CKAP5: variants seen among roughly 807,000 people sequenced by gnomAD.
CKAP5 encodes cytoskeleton associated protein 5.
Under a neutral mutation model 232.8 loss-of-function variants are expected in CKAP5, and 27 were observed. The ratio of observed to expected loss-of-function variants is 0.12; its 90% confidence interval spans 0.09 to 0.16. CKAP5 has a LOEUF of 0.16. Ranked by LOEUF, CKAP5 falls within the 10% of genes least tolerant of loss-of-function variation. The pLI, the probability that CKAP5 is intolerant of heterozygous loss-of-function variation, is 1.00. For synonymous variants in CKAP5, 785 were observed against 841.1 expected (o/e 0.93, Z 1.16); for missense variants, 1,838 against 2,424.7 (o/e 0.76, Z 5.08).
intron 2 of CKAP5, 55 bp downstream of exon 2, chr11:46,821,120 A>G: frequency 7.9e-7 from 1 of 1,270,672 alleles, no homozygotes; most frequent in Non-Finnish European, 1.2e-6. Context: ...TGATAGTATA[A>G]CTGCTCACAA....
intron 22 of CKAP5, 81 bp from the exon 23 acceptor site, chr11:46,777,633 T>A: frequency 7.0e-6 from 6 of 858,410 alleles, no homozygotes; most frequent in Non-Finnish European, 1.1e-5. Context: ...TGCTATACTG[T>A]CAATACAGCA....
intron 9 of CKAP5, among the ~76,000 whole-genome samples, chr11:46,800,790 A>T (rs909510587): frequency 3.3e-5 from 5 of 152,222 alleles, no homozygotes; most frequent in Non-Finnish European, 5.9e-5. Flanking sequence ...TTTATATATT[A>T]ACCTCACAGT....
chr11:46,843,468 C>T (rs1029577443), intron 1 of CKAP5, among the ~76,000 whole-genome samples: 4 of 150,920 alleles, frequency 2.7e-5, no homozygotes, highest in Non-Finnish European at 4.4e-5. Context: ...TAGTGGTTCA[C>T]GCCTGTAATC....
At position 46,837,310 on chromosome 11, in the gene CKAP5, T is replaced by C. The variant is rs1036530472; in HGVS notation, c.-38+8910A>G. 2.6e-5 allele frequency among the ~76,000 whole-genome samples: 4 copies of C among 152,248 alleles called. No individual in the cohort carries two copies. The South Asian group carries it at 6.2e-4, about 24-fold the overall frequency. ...AATGGATCAGAATTGGAGACACCAG[T>C]AGGAACTCATGTTTTTCCCCCCCGC... On this transcript the variant is annotated intron_variant, in intron 1 of 43. Coordinates refer to ENST00000529230, the MANE Select transcript of CKAP5 (RefSeq NM_001008938.4).
intron 1 of CKAP5, among the ~76,000 whole-genome samples, chr11:46,821,511 A>AT (rs1939526395): frequency 7.0e-6 from 1 of 142,466 alleles, no homozygotes; most frequent in Non-Finnish European, 1.5e-5. Flanking sequence ...TGCAAGCTAC[A>AT]CCTCCTGGGC....
rs559367446 is a variant in CKAP5 at position 46,840,513 on chromosome 11, T to G, written c.-38+5707A>C. On this transcript the variant is annotated intron_variant, in intron 1 of 43. Coordinates refer to ENST00000529230, the MANE Select transcript of CKAP5 (RefSeq NM_001008938.4). Reference sequence around the variant, plus strand: ...ATTTTTAACACTTATCCTAAGGCACTGTTAAAGTTGTTTATTATTTTTAAT... The same window carrying G: ...ATTTTTAACACTTATCCTAAGGCACGGTTAAAGTTGTTTATTATTTTTAAT... Among the ~76,000 whole-genome samples the G allele has an allele frequency of 2.7e-3, 414 of 152,350 alleles. 3 individuals are homozygous for G. The highest frequency in any genetic ancestry group is 9.8e-3 in the African/African-American group (406 of 41,578).
intron 28 of CKAP5, among the ~76,000 whole-genome samples, chr11:46,763,956 C>G (rs886911240): frequency 2.0e-5 from 3 of 152,078 alleles, no homozygotes; most frequent in Non-Finnish European, 4.4e-5. Flanking sequence ...CTGCCTTAGC[C>G]CCCCAAGTAG....
chr11:46,769,245 A>C (rs1334719964), intron 26 of CKAP5, among the ~76,000 whole-genome samples: 1 of 152,204 alleles, frequency 6.6e-6, no homozygotes, highest in Non-Finnish European at 1.5e-5. Context: ...TATCAGGATA[A>C]AGAAATCAAG....
At chr11:46,842,199 C>T (rs1416269572) in intron 1 of CKAP5, among the ~76,000 whole-genome samples, 1 of 152,086 alleles carries the variant, frequency 6.6e-6, no homozygotes, top group Non-Finnish European at 1.5e-5. Flanking sequence ...ACAGAAAGTG[C>T]TTCTAAGACC....
At chr11:46,845,397 A>T (rs1940162448) in intron 1 of CKAP5, among the ~76,000 whole-genome samples, 1 of 152,244 alleles carries the variant, frequency 6.6e-6, no homozygotes, top group Non-Finnish European at 1.5e-5. Flanking sequence ...AGATTCATCA[A>T]CACGAATATA....
Position 46,798,152 on chromosome 11 carries a change from C to G in CKAP5, c.1104G>C (p.Glu368Asp), listed in dbSNP as rs1938924358. ...CTTGAGGTTTCTTCTCTTTGAATTT[C>G]TCCAAGATGGTTGGCACAACCTGTA... ...YAGHVVPTIL[E>D]KFKEKKPQVV... is the part of the protein sequence containing the mutation. Residue 368 changes from glutamate (E) to aspartate (D), a missense_variant, in exon 10 of 44, where the codon GAG (glutamate) becomes GAC (aspartate). Glu to Asp is a conservative substitution (Grantham distance 45, BLOSUM62 2). Transcript: ENST00000529230. 3 of 1,613,714 alleles carry G rather than the reference C, an allele frequency of 1.9e-6. No individual in the cohort carries two copies. Among genetic ancestry groups the G allele is most frequent in the Non-Finnish European group, 2.5e-6 (3 of 1,179,780 alleles).
At chr11:46,802,621 G>A (rs1239230820) in intron 8 of CKAP5, among the ~76,000 whole-genome samples, 7 of 150,318 alleles carry the variant, frequency 4.7e-5, no homozygotes, top group Non-Finnish European at 7.4e-5. Context: ...ACACACACAC[G>A]GCTGCTTTAT....
intron 38 of CKAP5, among the ~76,000 whole-genome samples, chr11:46,752,250 TATAAC>T (rs1311037591): frequency 6.9e-6 from 1 of 144,130 alleles, no homozygotes; most frequent in Admixed American, 7.1e-5. Flanking sequence ...TATATACATA[TATAAC>T]ATATTAAGAT....
intron 17 of CKAP5, among the ~76,000 whole-genome samples, chr11:46,784,151 C>G (rs959175346): frequency 1.3e-5 from 2 of 151,904 alleles, no homozygotes; most frequent in Admixed American, 6.6e-5. Context: ...GGCAGATCAC[C>G]TGAGGTCAGG....
intron 16 of CKAP5, among the ~76,000 whole-genome samples, chr11:46,787,387 T>C (rs1432627807): frequency 6.6e-6 from 1 of 152,162 alleles, no homozygotes; most frequent in Non-Finnish European, 1.5e-5. Context: ...CATTTCAAGT[T>C]TGTTTAGCAT....
intron 16 of CKAP5, among the ~76,000 whole-genome samples, chr11:46,786,015 CCAAACCAAAAAA>C: frequency 6.6e-6 from 1 of 152,142 alleles, no homozygotes; most frequent in African/African-American, 2.4e-5. Context: ...AAAAAAATTC[CCAAACCAAAAAA>C]CAAACCAAAG....
At chr11:46,830,393 A>G (rs1211716030) in intron 1 of CKAP5, among the ~76,000 whole-genome samples, 1 of 139,234 alleles carries the variant, frequency 7.2e-6, no homozygotes, top group Non-Finnish European at 1.5e-5. Flanking sequence ...GTGAGCCGAG[A>G]TGGCACCACC....
At chr11:46,786,075 G>C (rs1003266265) in intron 16 of CKAP5, among the ~76,000 whole-genome samples, 1 of 152,116 alleles carries the variant, frequency 6.6e-6, no homozygotes, top group Non-Finnish European at 1.5e-5. Flanking sequence ...TGCAATTGTG[G>C]AGTCAATACC....
chr11:46,768,004 CAGGCTGGTCT>C (rs1301626350), intron 26 of CKAP5, among the ~76,000 whole-genome samples: 1 of 152,076 alleles, frequency 6.6e-6, no homozygotes, highest in African/African-American at 2.4e-5. Context: ...CCATGTTGCC[CAGGCTGGTCT>C]CAAACTCCTG....
Sources: allele counts gnomAD v4.1 joint callset (sites outside exome capture counted in the v4.1 genomes callset), GRCh38; gene constraint gnomAD v4.1.1; transcripts MANE v1.5; gene names NCBI Gene and HGNC (gene_info 2026-07-23, HGNC 2026-07-21).